Variants in AGBL4 observed in about 807,000 individuals in gnomAD.
AGBL4 encodes the protein AGBL carboxypeptidase 4.
AGBL4 carries 58 observed loss-of-function variants against 66.4 expected under a neutral mutation model. The ratio of observed to expected loss-of-function variants is 0.87; its 90% confidence interval spans 0.71 to 1.09. AGBL4 has a LOEUF of 1.09. Ranked by LOEUF, AGBL4 falls within the 50% of genes least tolerant of loss-of-function variation. AGBL4 has a pLI of 0.00. For missense variants in AGBL4, 579 were observed against 631.0 expected, an observed-to-expected ratio of 0.92 and a Z score of 0.88; for synonymous variants, 234 against 222.9, an observed-to-expected ratio of 1.05 and a Z score of -0.44.
At chr1:49,671,653 C>T (rs993410151) in intron 3 of AGBL4, among the ~76,000 whole-genome samples, 15 of 151,932 alleles carry the variant, frequency 9.9e-5, no homozygotes, top group Middle Eastern at 3.2e-3. Context: ...AATAAAACAA[C>T]CCCATTAAAA....
At chr1:49,667,044 A>G (rs961271468) in intron 3 of AGBL4, among the ~76,000 whole-genome samples, 2 of 152,212 alleles carry the variant, frequency 1.3e-5, no homozygotes, top group African/African-American at 2.4e-5. Flanking sequence ...TCTAAGCTTC[A>G]GTTACCTATA....
chr1:48,823,703 T>C (rs1276753578), intron 6 of AGBL4, among the ~76,000 whole-genome samples: 1 of 152,226 alleles, frequency 6.6e-6, no homozygotes, highest in East Asian at 1.9e-4. Flanking sequence ...CTTTAGACTT[T>C]CTCTAGGTCA....
intron 3 of AGBL4, among the ~76,000 whole-genome samples, chr1:49,336,664 C>T (rs1358624912): frequency 1.3e-5 from 2 of 152,102 alleles, no homozygotes; most frequent in Non-Finnish European, 2.9e-5. Flanking sequence ...TTCATCAGTC[C>T]TCCCATGATC....
chr1:48,902,210 T>G (rs548446434), intron 5 of AGBL4, among the ~76,000 whole-genome samples: 1 of 152,184 alleles, frequency 6.6e-6, no homozygotes, highest in Non-Finnish European at 1.5e-5. Flanking sequence ...TGTATACATA[T>G]GCCAAAATGT....
chr1:49,057,271 A>G (rs1421381439), intron 4 of AGBL4, among the ~76,000 whole-genome samples: 1 of 152,138 alleles, frequency 6.6e-6, no homozygotes, highest in South Asian at 2.1e-4. Context: ...TATAAAAGTT[A>G]GCCAGGTGCG....
At chr1:49,327,584 C>T (rs898705776) in intron 3 of AGBL4, among the ~76,000 whole-genome samples, 2 of 152,200 alleles carry the variant, frequency 1.3e-5, no homozygotes, top group African/African-American at 4.8e-5. Flanking sequence ...CAGCATCCCC[C>T]AGAGGGGAGT....
intron 3 of AGBL4, among the ~76,000 whole-genome samples, chr1:49,379,595 T>C (rs921067723): frequency 2.0e-5 from 3 of 152,320 alleles, no homozygotes; most frequent in South Asian, 2.1e-4. Flanking sequence ...TGAAGCGTTG[T>C]TGAATTTTGT....
intron 2 of AGBL4, among the ~76,000 whole-genome samples, chr1:49,714,595 C>T (rs1038115103): frequency 3.2e-4 from 42 of 132,734 alleles, no homozygotes; most frequent in African/African-American, 1.2e-3. Flanking sequence ...TATATATATA[C>T]ACACACACAC....
chr1:48,732,478 T>TA (rs1004147442), intron 6 of AGBL4, among the ~76,000 whole-genome samples: 2 of 151,404 alleles, frequency 1.3e-5, no homozygotes, highest in African/African-American at 4.9e-5. Context: ...AATTAACAAG[T>TA]AAAAAAAGTA....
intron 3 of AGBL4, among the ~76,000 whole-genome samples, chr1:49,266,606 G>T (rs1476164991): frequency 1.1e-5 from 1 of 90,248 alleles, no homozygotes; most frequent in Non-Finnish European, 2.3e-5. Context: ...AAATAAACCT[G>T]TAACACACAC....
At chr1:49,345,585 G>A (rs933141888) in intron 3 of AGBL4, among the ~76,000 whole-genome samples, 1 of 152,060 alleles carries the variant, frequency 6.6e-6, no homozygotes, top group Non-Finnish European at 1.5e-5. Context: ...GCTAATAAAA[G>A]ACTGAAATAA....
chr1:49,884,173 C>T (rs1647755788), intron 1 of AGBL4, among the ~76,000 whole-genome samples: 1 of 151,910 alleles, frequency 6.6e-6, no homozygotes, highest in Non-Finnish European at 1.5e-5. Context: ...ACTAAGAATT[C>T]AGATTTCACA....
chr1:49,078,134 T>G (rs1644744790), intron 4 of AGBL4, among the ~76,000 whole-genome samples: 1 of 152,102 alleles, frequency 6.6e-6, no homozygotes. Context: ...TGACCAATAC[T>G]CTAACCCTGT....
intron 4 of AGBL4, among the ~76,000 whole-genome samples, chr1:49,073,427 G>A (rs1178418223): frequency 6.6e-6 from 1 of 152,140 alleles, no homozygotes. Context: ...TACTGATGAG[G>A]TTTTGGTGTA....
At chr1:49,537,015 A>G (rs574944243) in intron 3 of AGBL4, among the ~76,000 whole-genome samples, 3 of 152,244 alleles carry the variant, frequency 2.0e-5, no homozygotes, top group Admixed American at 6.5e-5. Flanking sequence ...TCAAAAAAAA[A>G]AAAAAGTTGA....
chr1:49,055,437 C>T lies in AGBL4; in HGVS notation c.378-9637G>A, dbSNP rs559641493. On this transcript the variant is annotated intron_variant, in intron 4 of 13. Coordinates refer to ENST00000371839, the MANE Select transcript of AGBL4 (RefSeq NM_032785.4). ...GTGCTCTAAGTTTATCAGGCAGGTA[C>T]CTGAGTACCTACAGAGAAAATGCCT... Among the ~76,000 whole-genome samples, 5 of 152,012 alleles carry T rather than the reference C, an allele frequency of 3.3e-5. No individual in the cohort carries two copies. The South Asian group carries it at 1.0e-3, about 32-fold the overall frequency.
chr1:48,899,900 C>T (rs1651918732), intron 5 of AGBL4, among the ~76,000 whole-genome samples: 1 of 152,032 alleles, frequency 6.6e-6, no homozygotes, highest in Non-Finnish European at 1.5e-5. Context: ...TATGATTTCA[C>T]CCTTTAATAA....
At chr1:49,948,552 T>A (rs1003794361) in intron 1 of AGBL4, among the ~76,000 whole-genome samples, 1 of 109,864 alleles carries the variant, frequency 9.1e-6, no homozygotes, top group Non-Finnish European at 1.9e-5. Flanking sequence ...TAAATATATA[T>A]AAATATATAA....
At chr1:50,002,396 G>C (rs1660825602) in intron 1 of AGBL4, among the ~76,000 whole-genome samples, 1 of 126,460 alleles carries the variant, frequency 7.9e-6, no homozygotes, top group Non-Finnish European at 1.6e-5. Flanking sequence ...TTGAGACGGA[G>C]TCTCGCTCTG....
Sources: gnomAD v4.1 joint callset for allele counts (sites outside exome capture counted in the v4.1 genomes callset) on GRCh38, gnomAD v4.1.1 for gene constraint, MANE v1.5 for transcripts, NCBI Gene and HGNC (gene_info 2026-07-23, HGNC 2026-07-21) for gene names.